The following VPS13B variants were observed in gnomAD, a reference collection of about 807,000 sequenced individuals.
The protein encoded by VPS13B is vacuolar protein sorting 13 homolog B, also known as intermembrane lipid transfer protein VPS13B.
In VPS13B, 285 loss-of-function variants were observed where a neutral mutation model predicts 426.4. The ratio of observed to expected loss-of-function variants is 0.67; its 90% CI spans 0.61 to 0.74. VPS13B has a LOEUF of 0.74. Among genes scored for constraint, VPS13B ranks in the 30% least tolerant of loss-of-function variants. The pLI is 0.00. For missense variants in VPS13B, 4,537 were observed against 4,782.6 expected, an observed-to-expected ratio of 0.95 and a Z score of 1.51; for synonymous variants, 1,676 against 1,676.4, an observed-to-expected ratio of 1.00 and a Z score of 0.01.
At chr8:99,641,490 ATAAT>A (rs149665862) in intron 33 of VPS13B, among the ~76,000 whole-genome samples, 1 of 152,340 alleles carries the variant, frequency 6.6e-6, no homozygotes, top group East Asian at 1.9e-4. Flanking sequence ...ATGTATTAAA[ATAAT>A]TCTTTAAAGA....
chr8:99,166,169 C>T (rs867890752), intron 15 of VPS13B, among the ~76,000 whole-genome samples: 6 of 152,070 alleles, frequency 3.9e-5, no homozygotes, highest in South Asian at 2.1e-4. Flanking sequence ...TTAGTGGAGA[C>T]GGGACTTCAC....
rs574826842 is a variant in VPS13B, at chr8:99,661,581, C to T, written c.6046+90C>T. 34 of 1,493,828 alleles carry T rather than the reference C, an allele frequency of 2.3e-5. No individual in the cohort carries two copies. The African/African-American group carries it at 3.3e-4, about 15-fold the overall frequency. The allele number at this position is 1,493,828 out of a possible 1,614,324, so 92.5% of individuals were successfully genotyped here. ...GGATCTGTTAGTAATCTTGACATTC[C>T]GTGCAAAAAATGAATAGTTCATTTT... On this transcript the variant is annotated intron_variant, in intron 35 of 61. Coordinates refer to ENST00000357162, the MANE Select transcript of VPS13B (RefSeq NM_152564.5).
At chr8:99,474,975 A>G (rs1194967393) in intron 24 of VPS13B, among the ~76,000 whole-genome samples, 1 of 152,180 alleles carries the variant, frequency 6.6e-6, no homozygotes, top group Non-Finnish European at 1.5e-5. Context: ...TAAAAAAATT[A>G]TGGCCTACTC....
chr8:99,666,677 C>T (rs1830501695), intron 35 of VPS13B, among the ~76,000 whole-genome samples: 1 of 152,136 alleles, frequency 6.6e-6, no homozygotes, highest in African/African-American at 2.4e-5. Context: ...TAAGAGCTAT[C>T]TATGATAAAT....
intron 35 of VPS13B, among the ~76,000 whole-genome samples, chr8:99,691,582 A>T (rs1831668616): frequency 6.6e-6 from 1 of 152,026 alleles, no homozygotes; most frequent in East Asian, 1.9e-4. Flanking sequence ...CAGCCGCTGC[A>T]AAATCATGCC....
At chr8:99,749,440 G>A (rs1464668969) in intron 39 of VPS13B, among the ~76,000 whole-genome samples, 1 of 151,876 alleles carries the variant, frequency 6.6e-6, no homozygotes, top group Non-Finnish European at 1.5e-5. Flanking sequence ...TTATCTCCAT[G>A]AGTTCAATCA....
At position 99,661,356 on chromosome 8, in the gene VPS13B, C is replaced by T. The variant is rs1830217352; in HGVS notation, c.5911C>T (p.Pro1971Ser). The T allele has an allele frequency of 1.2e-6, 2 of 1,613,520 alleles. No individual in the cohort carries two copies. The highest frequency in any genetic ancestry group is 1.7e-6 in the Non-Finnish European group (2 of 1,179,720). Residue 1971 changes from proline (P) to serine (S), a missense_variant and splice_region_variant, in exon 35 of 62, where the codon CCT becomes TCT. This residue lies in a region of VPS13B where 4,311 missense variants were observed against 4,474.3 expected (regional missense o/e 0.96). Coordinates refer to ENST00000357162, the MANE Select transcript of VPS13B (RefSeq NM_152564.5). ...TAATTTCAATTTTGTCACTTTAGATCCTGGGAAGACTCTGCCTGAAGCCCT... is the reference window on the plus strand; with the variant it reads ...TAATTTCAATTTTGTCACTTTAGATTCTGGGAAGACTCTGCCTGAAGCCCT... ...GVASDYKCID[P>S]GKTLPEALDY...
chr8:99,605,578 A>G (rs1286506680), intron 33 of VPS13B, among the ~76,000 whole-genome samples: 3 of 152,164 alleles, frequency 2.0e-5, no homozygotes, highest in Admixed American at 1.3e-4. Context: ...TTAACTTCCC[A>G]TCATTCTAGT....
intron 17 of VPS13B, among the ~76,000 whole-genome samples, chr8:99,242,183 A>T (rs1046356145): frequency 1.6e-4 from 24 of 152,120 alleles, no homozygotes; most frequent in African/African-American, 5.8e-4. Flanking sequence ...GGGTTTCACC[A>T]TGTTGGCCAG....
intron 3 of VPS13B, among the ~76,000 whole-genome samples, chr8:99,062,172 A>G (rs753984708): frequency 4.6e-5 from 7 of 152,136 alleles, no homozygotes; most frequent in Admixed American, 6.5e-5. Context: ...TAAAACCATT[A>G]TTTGCTTCTG....
At chr8:99,249,592 T>G (rs538934479) in intron 17 of VPS13B, among the ~76,000 whole-genome samples, 30 of 151,922 alleles carry the variant, frequency 2.0e-4, no homozygotes, top group Non-Finnish European at 3.8e-4. Context: ...CCCGGCTAAT[T>G]TTTTGCACTT....
chr8:99,054,793 T>C (rs1280860020), intron 3 of VPS13B, among the ~76,000 whole-genome samples: 1 of 152,176 alleles, frequency 6.6e-6, no homozygotes, highest in Non-Finnish European at 1.5e-5. Flanking sequence ...CTTCATTCTA[T>C]GGTTATTTGG....
At chr8:99,711,427 C>T (rs1300274706) in intron 36 of VPS13B, among the ~76,000 whole-genome samples, 2 of 152,118 alleles carry the variant, frequency 1.3e-5, no homozygotes, top group Non-Finnish European at 2.9e-5. Context: ...CAAACATTAG[C>T]ATCTTATTAA....
chr8:99,530,613 C>CA (rs1196820876), intron 30 of VPS13B, among the ~76,000 whole-genome samples: 11,700 of 85,860 alleles, frequency 0.14, 713 homozygotes, highest in African/African-American at 0.25. Context: ...GACTCTGTCT[C>CA]AAAAAAAAAA....
intron 31 of VPS13B, among the ~76,000 whole-genome samples, chr8:99,558,028 T>G (rs945847497): frequency 6.6e-6 from 1 of 152,180 alleles, no homozygotes; most frequent in Admixed American, 6.6e-5. Flanking sequence ...TCTGAAGACT[T>G]CATTGTATGC....
chr8:99,177,669 A>T (rs1029458085), intron 16 of VPS13B, among the ~76,000 whole-genome samples: 3 of 152,220 alleles, frequency 2.0e-5, no homozygotes, highest in Admixed American at 6.5e-5. Flanking sequence ...GAAGTTGTAT[A>T]GGCAAATATG....
chr8:99,556,602 A>G lies in VPS13B; in HGVS notation c.4898A>G (p.Glu1633Gly). 6.2e-7 allele frequency: 1 copy of G among 1,613,228 alleles called. No homozygotes were observed. The highest frequency in any genetic ancestry group is 8.5e-7 in the Non-Finnish European group (1 of 1,179,474). Residue 1633 changes from glutamate to glycine, a missense_variant, in exon 31 of 62, where the codon GAG (glutamate) becomes GGG (glycine). By Grantham distance (98) the Glu-to-Gly change is moderately conservative. Transcript: ENST00000357162. ...KESVSGGVVT[E>G]TERNSQNPAL... ...AGTGTCTCAGGAGGGGTGGTAACAG[A>G]GACTGAAAGGAATTCTCAAAATCCA...
intron 36 of VPS13B, among the ~76,000 whole-genome samples, chr8:99,706,553 C>A (rs550276051): frequency 9.2e-5 from 14 of 152,234 alleles, no homozygotes; most frequent in South Asian, 2.1e-4. Flanking sequence ...CCATGTAAAT[C>A]CACCTTCAGA....
intron 3 of VPS13B, among the ~76,000 whole-genome samples, chr8:99,067,433 A>G (rs1844591276): frequency 6.6e-6 from 1 of 152,196 alleles, no homozygotes. Context: ...CATAGGTGGG[A>G]ACTGAACAAT....
Sources: gnomAD v4.1 joint callset for allele counts (sites outside exome capture counted in the v4.1 genomes callset) on GRCh38, gnomAD v4.1.1 for gene constraint, gnomAD v4.1.1 regional missense constraint, MANE v1.5 for transcripts, NCBI Gene and HGNC (gene_info 2026-07-23, HGNC 2026-07-21) for gene names.